Variants in SULF1 observed in about 807,000 individuals in gnomAD.
The protein encoded by SULF1 is extracellular sulfatase Sulf-1.
SULF1 carries 46 observed loss-of-function variants against 110.5 expected under a neutral mutation model. The observed-to-expected ratio is 0.42, with a 90% CI of 0.33 to 0.53. The LOEUF is 0.53. Ranked by LOEUF, SULF1 falls within the 20% of genes least tolerant of loss-of-function variation. The probability of loss-of-function intolerance (pLI) is 0.12; values close to 1 mark genes in which losing one functional copy is unlikely to be tolerated. For synonymous variants in SULF1, 371 were observed against 387.1 expected (o/e 0.96, Z 0.49); for missense variants, 941 against 1,094.2 (o/e 0.86, Z 1.98).
intron 3 of SULF1, among the ~76,000 whole-genome samples, chr8:69,510,804 A>T (rs1043086059): frequency 6.6e-6 from 1 of 151,884 alleles, no homozygotes; most frequent in Non-Finnish European, 1.5e-5. Flanking sequence ...TTTAGTAGAG[A>T]TGGGGTTTTG....
At chr8:69,527,560 A>C (rs1812784222) in intron 3 of SULF1, among the ~76,000 whole-genome samples, 1 of 152,168 alleles carries the variant, frequency 6.6e-6, no homozygotes. Flanking sequence ...CTAAGCAAGC[A>C]CAGGGCTTTG....
chr8:69,490,967 G>A (rs527365826), upstream of SULF1, among the ~76,000 whole-genome samples: 3 of 152,130 alleles, frequency 2.0e-5, no homozygotes, highest in African/African-American at 4.8e-5. Context: ...CAGTAAGATC[G>A]CTGTCATTCC....
At chr8:69,504,765 T>G (rs1315085561) in intron 3 of SULF1, among the ~76,000 whole-genome samples, 1 of 152,152 alleles carries the variant, frequency 6.6e-6, no homozygotes, top group African/African-American at 2.4e-5. Flanking sequence ...ACTCCAGGAT[T>G]TGAGCTGAAT....
At chr8:69,493,425 C>CCA (rs144157646) in intron 1 of SULF1, among the ~76,000 whole-genome samples, 5,596 of 147,152 alleles carry the variant, frequency 0.038, 316 homozygotes, top group African/African-American at 0.13. Flanking sequence ...TTGATACACA[C>CCA]CACACACACA....
chr8:69,468,819 A>T (rs2150527346), intron 1 of SULF1, among the ~76,000 whole-genome samples: 1 of 152,282 alleles, frequency 6.6e-6, no homozygotes, highest in Middle Eastern at 3.4e-3. Flanking sequence ...CACAGATCGG[A>T]TTTTCCTCCC....
chr8:69,550,041 G>A (rs1814581651), intron 3 of SULF1, among the ~76,000 whole-genome samples: 1 of 151,698 alleles, frequency 6.6e-6, no homozygotes, highest in Non-Finnish European at 1.5e-5. Flanking sequence ...AAGGCACAGT[G>A]GCAGATTCAC....
At chr8:69,568,049 G>C (rs1345953848) in intron 5 of SULF1, among the ~76,000 whole-genome samples, 4 of 152,146 alleles carry the variant, frequency 2.6e-5, no homozygotes, top group Admixed American at 2.0e-4. Context: ...GGCATGAAGT[G>C]TTATCTCATT....
rs1327052548 is a variant in SULF1, at chr8:69,659,488, G to A, written c.*953G>A. On this transcript the variant is annotated 3_prime_UTR_variant, in exon 23 of 23. Coordinates refer to ENST00000402687, the MANE Select transcript of SULF1 (RefSeq NM_001128205.2). ...AGCGGTGTGCACACGGAGACTCATC[G>A]TTATAATTTACTATCTGCCAAGAGT... The A allele has an allele frequency of 7.5e-6, 2 of 266,878 alleles. No individual in the cohort carries two copies. Among genetic ancestry groups the A allele is most frequent in the African/African-American group, 2.2e-5 (1 of 44,856 alleles). The allele number at this position is 266,878 out of a possible 1,614,324, so 16.5% of individuals were successfully genotyped here. A position where few individuals can be genotyped will look rare whatever the true frequency, so the allele number is the denominator to read the frequency against.
chr8:69,476,025 C>A (rs777657827), intron 1 of SULF1, among the ~76,000 whole-genome samples: 1 of 152,132 alleles, frequency 6.6e-6, no homozygotes, highest in Non-Finnish European at 1.5e-5. Flanking sequence ...CTATATAATT[C>A]TCTTCTTTTG....
chr8:69,622,686 T>C (rs1809709399), intron 14 of SULF1, among the ~76,000 whole-genome samples: 1 of 152,158 alleles, frequency 6.6e-6, no homozygotes, highest in Non-Finnish European at 1.5e-5. Context: ...CCTCTTCTCT[T>C]CCAGAAAGTT....
At chr8:69,582,821 T>C (rs991728966) in intron 6 of SULF1, among the ~76,000 whole-genome samples, 3 of 152,030 alleles carry the variant, frequency 2.0e-5, no homozygotes, top group Non-Finnish European at 4.4e-5. Flanking sequence ...GTTAGTGGGG[T>C]GTGGCCTTGG....
At chr8:69,642,692 G>C (rs1811574009) in intron 22 of SULF1, among the ~76,000 whole-genome samples, 1 of 152,142 alleles carries the variant, frequency 6.6e-6, no homozygotes, top group Non-Finnish European at 1.5e-5. Context: ...ATAGCTAAGG[G>C]TTTTTCAGTC....
intron 1 of SULF1, among the ~76,000 whole-genome samples, chr8:69,483,843 G>C (rs1360603524): frequency 2.0e-5 from 3 of 152,036 alleles, no homozygotes; most frequent in Non-Finnish European, 4.4e-5. Flanking sequence ...AAATGACTGA[G>C]AAAGATGTCT....
intron 8 of SULF1, among the ~76,000 whole-genome samples, chr8:69,594,653 T>C (rs2130338071): frequency 6.6e-6 from 1 of 152,216 alleles, no homozygotes; most frequent in East Asian, 1.9e-4. Flanking sequence ...CATTCGTACC[T>C]CTTTCCACAA....
chr8:69,478,424 A>G (rs1441841473), intron 1 of SULF1, among the ~76,000 whole-genome samples: 1 of 152,088 alleles, frequency 6.6e-6, no homozygotes, highest in East Asian at 1.9e-4. Flanking sequence ...CTTTTCCACT[A>G]TGACCATCCC....
intron 3 of SULF1, among the ~76,000 whole-genome samples, chr8:69,519,664 T>A (rs1003947422): frequency 1.3e-5 from 2 of 152,188 alleles, no homozygotes; most frequent in African/African-American, 4.8e-5. Context: ...GTCTATGAAG[T>A]TGACAAATAG....
chr8:69,514,237 C>T (rs1379196328), intron 3 of SULF1, among the ~76,000 whole-genome samples: 1 of 152,194 alleles, frequency 6.6e-6, no homozygotes, highest in Non-Finnish European at 1.5e-5. Context: ...GACAGTTCTG[C>T]AGACTGTACA....
At chr8:69,644,962 T>C (rs1811775687) in intron 22 of SULF1, among the ~76,000 whole-genome samples, 1 of 152,172 alleles carries the variant, frequency 6.6e-6, no homozygotes, top group Non-Finnish European at 1.5e-5. Context: ...TGTTGGACTT[T>C]TCTGTTTCAG....
At chr8:69,559,782 T>G (rs1815349970) in intron 3 of SULF1, among the ~76,000 whole-genome samples, 1 of 144,554 alleles carries the variant, frequency 6.9e-6, no homozygotes. Context: ...GAACCTCTTA[T>G]CTCAGAAAAC....
Sources: gnomAD v4.1 joint callset for allele counts (sites outside exome capture counted in the v4.1 genomes callset) on GRCh38, gnomAD v4.1.1 for gene constraint, MANE v1.5 for transcripts, NCBI Gene and HGNC (gene_info 2026-07-23, HGNC 2026-07-21) for gene names.